Variants in ALOX5 observed in about 807,000 individuals in gnomAD.
ALOX5 encodes the protein arachidonate 5-lipoxygenase, also known as polyunsaturated fatty acid 5-lipoxygenase.
Under a neutral mutation model 87.9 loss-of-function variants are expected in ALOX5, and 64 were observed. That is an observed-to-expected ratio of 0.73 (90% confidence interval 0.60 to 0.90). The LOEUF is 0.90. Among genes scored for constraint, ALOX5 ranks in the 40% least tolerant of loss-of-function variants. The probability of loss-of-function intolerance (pLI) is 0.00; values close to 1 mark genes in which losing one functional copy is unlikely to be tolerated. For missense variants in ALOX5, 822 were observed against 907.5 expected (o/e 0.91, Z 1.21); for synonymous variants, 388 against 355.1 (o/e 1.09, Z -1.04).
At chr10:45,378,582 G>T (rs1839711885) in intron 1 of ALOX5, among the ~76,000 whole-genome samples, 1 of 152,198 alleles carries the variant, frequency 6.6e-6, no homozygotes, top group South Asian at 2.1e-4. Flanking sequence ...GCCCAGAGAG[G>T]AGGGAGGAAG....
intron 4 of ALOX5, among the ~76,000 whole-genome samples, chr10:45,415,377 T>C (rs1437189666): frequency 2.6e-5 from 4 of 151,990 alleles, no homozygotes; most frequent in Non-Finnish European, 4.4e-5. Context: ...TAGGTGGGAA[T>C]TGAACAATGA....
intron 1 of ALOX5, among the ~76,000 whole-genome samples, chr10:45,380,980 G>A (rs781206990): frequency 3.9e-5 from 6 of 152,206 alleles, no homozygotes; most frequent in Non-Finnish European, 5.9e-5. Flanking sequence ...CATCGAGTCC[G>A]GGGCTTTCCA....
chr10:45,385,757 C>T (rs1168460439), intron 2 of ALOX5, among the ~76,000 whole-genome samples: 1 of 152,210 alleles, frequency 6.6e-6, no homozygotes, highest in Non-Finnish European at 1.5e-5. Context: ...GCTGGCTTTA[C>T]ATCCCCAGGG....
At chr10:45,413,098 C>T (rs1454411575) in intron 4 of ALOX5, among the ~76,000 whole-genome samples, 1 of 152,156 alleles carries the variant, frequency 6.6e-6, no homozygotes, top group African/African-American at 2.4e-5. Context: ...TATATGAGGC[C>T]AGCATCATCC....
chr10:45,433,060 A>G (rs2132831411), intron 7 of ALOX5, among the ~76,000 whole-genome samples: 1 of 152,380 alleles, frequency 6.6e-6, no homozygotes, highest in East Asian at 1.9e-4. Flanking sequence ...AAAAACTCCT[A>G]ACTTCACCTG....
intron 9 of ALOX5, chr10:45,442,821 T>G: frequency 3.5e-6 from 2 of 572,330 alleles, no homozygotes; most frequent in Non-Finnish European, 6.2e-6. Flanking sequence ...GTTCAGTCCC[T>G]TGCATTGGAT....
In ALOX5 at chr10:45,443,144, T is replaced by C; in HGVS notation, c.1379T>C (p.Met460Thr). ...CCCGAGGCCATCAAGGCCCGGGGCATGGAGAGCAAAGAAGACATCCCCTAC... is the reference window on the plus strand; with the variant it reads ...CCCGAGGCCATCAAGGCCCGGGGCACGGAGAGCAAAGAAGACATCCCCTAC... ...CFPEAIKARG[M>T]ESKEDIPYYF... Residue 460 changes from methionine to threonine, a missense_variant, in exon 10 of 14, where the codon ATG becomes ACG. Physicochemically the swap from Met to Thr is moderately conservative, Grantham distance 81. Transcript: ENST00000374391. The C allele has an allele frequency of 1.2e-6, 2 of 1,613,806 alleles. No homozygotes were observed. Among genetic ancestry groups the C allele is most frequent in the African/African-American group, 1.3e-5 (1 of 75,034 alleles).
intron 6 of ALOX5, among the ~76,000 whole-genome samples, chr10:45,428,186 C>T (rs1841796849): frequency 6.7e-6 from 1 of 150,222 alleles, no homozygotes; most frequent in Admixed American, 6.6e-5. Context: ...CTGTCTCTTC[C>T]TCCCAAGGGA....
rs1392069913 is a variant in ALOX5 at position 45,424,957 on chromosome 10, T to C, written c.662-3T>C. The C allele has an allele frequency of 6.2e-7, 1 of 1,614,126 alleles. No individual in the cohort carries two copies. On this transcript the variant is annotated splice_polypyrimidine_tract_variant and splice_region_variant and intron_variant, in intron 5 of 13. Transcript: ENST00000374391. ...AGGGTGGGCCTCGCTTTTCTCCTGG[T>C]AGAGCGGGTCATGAATCACTGGCAG...
intron 2 of ALOX5, among the ~76,000 whole-genome samples, chr10:45,387,004 C>T (rs574771502): frequency 1.8e-4 from 28 of 152,316 alleles, no homozygotes; most frequent in African/African-American, 6.5e-4. Context: ...CCAGTGATGA[C>T]TATAGGCATA....
chr10:45,445,449 C>T (rs1489413560), intron 13 of ALOX5, 59 bp from the exon 14 acceptor site: 3 of 1,568,972 alleles, frequency 1.9e-6, no homozygotes, highest in East Asian at 4.6e-5. Flanking sequence ...TGAGACAGGC[C>T]TGTCAGTTTA....
chr10:45,421,745 A>C (rs1292428477), intron 4 of ALOX5, among the ~76,000 whole-genome samples: 1 of 152,258 alleles, frequency 6.6e-6, no homozygotes, highest in Non-Finnish European at 1.5e-5. Flanking sequence ...GGCTGGATCC[A>C]AGTGAAGAAG....
chr10:45,445,520 A>T lies in ALOX5; in HGVS notation c.1858A>T (p.Met620Leu), dbSNP rs746702651. ...QFQENELFLG[M>L]YPEEHFIEKP... Reference sequence around the variant, plus strand: ...TCTGGGCCCTCAGCTGTTCCTGGGCATGTACCCAGAAGAGCATTTTATCGA... The same window carrying T: ...TCTGGGCCCTCAGCTGTTCCTGGGCTTGTACCCAGAAGAGCATTTTATCGA... The change falls in exon 14 of 14, where the codon ATG (methionine) becomes TTG (leucine). Residue 620 changes from methionine to leucine, a missense_variant. Transcript: ENST00000374391. 5 of 1,613,718 alleles carry T rather than the reference A, an allele frequency of 3.1e-6. No homozygotes were observed. Among genetic ancestry groups the T allele is most frequent in the Non-Finnish European group, 4.2e-6 (5 of 1,179,636 alleles).
chr10:45,408,817 C>T (rs559007967), intron 3 of ALOX5, among the ~76,000 whole-genome samples: 1 of 152,272 alleles, frequency 6.6e-6, no homozygotes, highest in East Asian at 1.9e-4. Flanking sequence ...TTATGGCTTC[C>T]ATTTCTTTGT....
At chr10:45,390,643 T>C (rs149203427) in intron 2 of ALOX5, among the ~76,000 whole-genome samples, 2,982 of 152,186 alleles carry the variant, frequency 0.02, 37 homozygotes, top group Non-Finnish European at 0.033. Flanking sequence ...TTGAAACCAA[T>C]GAGAACAAAG....
intron 7 of ALOX5, among the ~76,000 whole-genome samples, chr10:45,439,542 G>A (rs771840132): frequency 2.0e-5 from 3 of 152,178 alleles, no homozygotes; most frequent in Non-Finnish European, 2.9e-5. Flanking sequence ...ACTCACTGTC[G>A]GGTGCTGAGG....
intron 3 of ALOX5, among the ~76,000 whole-genome samples, chr10:45,398,861 T>C (rs1840603000): frequency 6.6e-6 from 1 of 152,152 alleles, no homozygotes. Context: ...ACACTGCTGG[T>C]GGGAATGTAA....
chr10:45,399,885 C>T (rs764718221), intron 3 of ALOX5, among the ~76,000 whole-genome samples: 9 of 152,120 alleles, frequency 5.9e-5, no homozygotes, highest in Non-Finnish European at 1.3e-4. Context: ...CCAATAAGCA[C>T]GTGAAAATAT....
intron 7 of ALOX5, among the ~76,000 whole-genome samples, chr10:45,440,179 C>T (rs987668520): frequency 1.3e-5 from 2 of 152,220 alleles, no homozygotes; most frequent in Admixed American, 6.5e-5. Context: ...TCACTGTCCC[C>T]ACATGACAGA....
Sources: allele counts gnomAD v4.1 joint callset (sites outside exome capture counted in the v4.1 genomes callset), GRCh38; gene constraint gnomAD v4.1.1; transcripts MANE v1.5; gene names NCBI Gene and HGNC (gene_info 2026-07-23, HGNC 2026-07-21).